TMEM54: variants seen among roughly 807,000 people sequenced by gnomAD.
TMEM54 encodes transmembrane protein 54, also known as beta-casein-like protein.
A neutral mutation model predicts 21.3 loss-of-function variants in TMEM54; 21 were observed. That is an observed-to-expected ratio of 0.99 (90% CI 0.70 to 1.42). The LOEUF (loss-of-function observed/expected upper bound fraction) is 1.42, where lower values mean the gene tolerates loss of function less well. Among genes scored for constraint, TMEM54 ranks in the 40% most tolerant of loss-of-function variants. TMEM54 has a pLI of 0.00. For missense variants in TMEM54, 246 were observed against 294.0 expected, an observed-to-expected ratio of 0.84 and a Z score of 1.19; for synonymous variants, 109 against 125.0, an observed-to-expected ratio of 0.87 and a Z score of 0.86.
chr1:32,899,831 C>T (rs377680155), intron 1 of TMEM54, among the ~76,000 whole-genome samples: 1 of 152,212 alleles, frequency 6.6e-6, no homozygotes, highest in East Asian at 1.9e-4. Context: ...TGTGACCATG[C>T]ACCAGCCCCT....
intron 1 of TMEM54, among the ~76,000 whole-genome samples, chr1:32,899,563 C>T (rs1641679648): frequency 6.6e-6 from 1 of 152,140 alleles, no homozygotes; most frequent in South Asian, 2.1e-4. Context: ...AAAAATTAGG[C>T]AGGCATGGTG....
chr1:32,898,300 G>T lies in TMEM54; in HGVS notation c.36C>A (p.Asp12Glu). 6.2e-7 allele frequency: 1 copy of T among 1,604,776 alleles called. No homozygotes were observed. Among genetic ancestry groups the T allele is most frequent in the Non-Finnish European group, 8.5e-7 (1 of 1,172,280 alleles). The change falls in exon 2 of 6, where the codon GAC (aspartate) becomes GAA (glutamate). Residue 12 changes from aspartate (D) to glutamate (E), a missense_variant. Physicochemically the swap from Asp to Glu is conservative, Grantham distance 45 (BLOSUM62 2). Coordinates refer to ENST00000373463, the MANE Select transcript of TMEM54 (RefSeq NM_033504.4). ...CLRLGGLSVG[D>E]FRKVLMKTGL... The stretch of plus-strand genomic sequence containing the variant: ...CTGTCTTCATCAGCACCTTCCGGAA[G>T]TCGCCCACACTCAGGCCTCCTGTGG...
At position 32,898,042 on chromosome 1, in the gene TMEM54, C is replaced by T; in HGVS notation, c.210+84G>A. On this transcript the variant is annotated intron_variant, in intron 2 of 5. Coordinates refer to ENST00000373463, the MANE Select transcript of TMEM54 (RefSeq NM_033504.4). ...CCTTGAGGCTGTCTGCTTACCACCACAGGCTCTGGGTGGGGACCTGTTGAA... is the reference window on the plus strand; with the variant it reads ...CCTTGAGGCTGTCTGCTTACCACCATAGGCTCTGGGTGGGGACCTGTTGAA... 3.0e-6 allele frequency: 4 copies of T among 1,349,648 alleles called. No homozygotes were observed. The Admixed American group carries it at 5.8e-5, about 19-fold the overall frequency. 83.6% of individuals were successfully genotyped at this position (1,349,648 alleles called of 1,614,324 possible). A position where few individuals can be genotyped will look rare whatever the true frequency, so the allele number is the denominator to read the frequency against.
At position 32,896,203 on chromosome 1, in the gene TMEM54, C is replaced by T; in HGVS notation, c.211-234G>A. 2.1e-6 allele frequency: 1 copy of T among 483,164 alleles called. No individual in the cohort carries two copies. The highest frequency in any genetic ancestry group is 3.5e-5 in the East Asian group (1 of 28,570). The allele number at this position is 483,164 out of a possible 1,614,324, so 29.9% of individuals were successfully genotyped here. A position where few individuals can be genotyped will look rare whatever the true frequency, so the allele number is the denominator to read the frequency against. On this transcript the variant is annotated intron_variant, in intron 2 of 5. Transcript: ENST00000373463. The surrounding 1 kb of genome is among the most constrained non-coding windows in gnomAD (Gnocchi z 4.1). Reference sequence around the variant, plus strand: ...CCTCTCTACAACCTTCCATGAGTCCCCACTCCTAAGCCTGTGTCTCAAGCA... The same window carrying T: ...CCTCTCTACAACCTTCCATGAGTCCTCACTCCTAAGCCTGTGTCTCAAGCA...
At position 32,901,152 on chromosome 1, in the gene TMEM54, G is replaced by A; in HGVS notation, c.16+71C>T. Reference sequence around the variant, plus strand: ...CTGGCCCCCTGGGGGCTCGGGTTCCGGGCTCAGTGCTCCGCTCCTGTGGGA... The same window carrying A: ...CTGGCCCCCTGGGGGCTCGGGTTCCAGGCTCAGTGCTCCGCTCCTGTGGGA... On this transcript the variant is annotated intron_variant, in intron 1 of 5. Transcript: ENST00000373463. The surrounding 1 kb of genome is among the most constrained non-coding windows in gnomAD (Gnocchi z 4.2). 1 of 1,367,286 alleles carries A rather than the reference G, an allele frequency of 7.3e-7. No homozygotes were observed. 84.7% of individuals were successfully genotyped at this position (1,367,286 alleles called of 1,614,324 possible).
chr1:32,901,298 C>CG lies in TMEM54; in HGVS notation c.-61dup. 7.8e-7 allele frequency: 1 copy of CG among 1,288,672 alleles called. No individual in the cohort carries two copies. The highest frequency in any genetic ancestry group is 9.9e-7 in the Non-Finnish European group (1 of 1,012,572). The allele number at this position is 1,288,672 out of a possible 1,614,324, so 79.8% of individuals were successfully genotyped here. ...CGCGGCTCCCGAGGCTGCGGGCCGC[C>CG]GGGGGACCCTGCTCCCATCCCGCTG... On this transcript the variant is annotated 5_prime_UTR_variant, in exon 1 of 6. It removes the in-frame stop codon of an upstream open reading frame in the 5' UTR. Coordinates refer to ENST00000373463, the MANE Select transcript of TMEM54 (RefSeq NM_033504.4). This position sits in a 1 kb window ranked among gnomAD's most constrained non-coding sequence, Gnocchi z 4.2.
rs778113030 is a variant in TMEM54 at position 32,895,454 on chromosome 1, G to A, written c.460-15C>T. ...AGGCTGGAGCTCTGCGGGGCATGGG[G>A]CAGAGATGGCTGGCTGGAGTTGGGG... On this transcript the variant is annotated splice_polypyrimidine_tract_variant and intron_variant, in intron 4 of 5. Transcript: ENST00000373463. The surrounding 1 kb of genome is among the most constrained non-coding windows in gnomAD (Gnocchi z 5.8). The A allele has an allele frequency of 6.2e-7, 1 of 1,606,254 alleles. No individual in the cohort carries two copies.
In TMEM54 at chr1:32,898,464, G is replaced by A. The variant is rs1351796470; in HGVS notation, c.17-145C>T. 5 of 749,306 alleles carry A rather than the reference G, an allele frequency of 6.7e-6. No individual in the cohort carries two copies. The Admixed American group carries it at 1.2e-4, about 18-fold the overall frequency. 46.4% of individuals were successfully genotyped at this position (749,306 alleles called of 1,614,324 possible). A position where few individuals can be genotyped will look rare whatever the true frequency, so the allele number is the denominator to read the frequency against. Reference sequence around the variant, plus strand: ...GGAGCCAGTAACTTGTCTTCTTTGAGCCTTGGTCTCCTCATCCATAAAAGG... The same window carrying A: ...GGAGCCAGTAACTTGTCTTCTTTGAACCTTGGTCTCCTCATCCATAAAAGG... On this transcript the variant is annotated intron_variant, in intron 1 of 5. Transcript: ENST00000373463.
Position 32,901,242 on chromosome 1 carries a change from G to T in TMEM54, c.-4C>A, listed in dbSNP as rs1641721115. 4.1e-6 allele frequency: 6 copies of T among 1,460,574 alleles called. No individual in the cohort carries two copies. Among genetic ancestry groups the T allele is most frequent in the Non-Finnish European group, 5.5e-6 (6 of 1,093,096 alleles). The allele number at this position is 1,460,574 out of a possible 1,614,324, so 90.5% of individuals were successfully genotyped here. A position where few individuals can be genotyped will look rare whatever the true frequency, so the allele number is the denominator to read the frequency against. On this transcript the variant is annotated 5_prime_UTR_variant, in exon 1 of 6. Coordinates refer to ENST00000373463, the MANE Select transcript of TMEM54 (RefSeq NM_033504.4). The surrounding 1 kb of genome is among the most constrained non-coding windows in gnomAD (Gnocchi z 4.2). ...GCTCACCGAGGCGCAGACACATGTCGGCTCCGCGCTGGTCCCGCCCCCGGC... is the reference window on the plus strand; with the variant it reads ...GCTCACCGAGGCGCAGACACATGTCTGCTCCGCGCTGGTCCCGCCCCCGGC...
intron 1 of TMEM54, among the ~76,000 whole-genome samples, chr1:32,900,803 C>T (rs540159603): frequency 6.6e-6 from 1 of 152,340 alleles, no homozygotes; most frequent in East Asian, 1.9e-4. Flanking sequence ...GGCTTTCCTT[C>T]CTGGCCTCGG....
rs201782944 is a variant in TMEM54 at position 32,895,376 on chromosome 1, C to T, written c.523G>A (p.Val175Ile). ...TGGTGGGTGAGCTGAGCACAGCGTA[C>T]AGCAAACACGTTCTCCGCCACGCAG... Reference protein sequence around the residue: ...VLCVAENVFAVRCAQLTHQLL... With the variant: ...VLCVAENVFAIRCAQLTHQLL... The change falls in exon 5 of 6, where the codon GTA becomes ATA. Residue 175 changes from valine to isoleucine, a missense_variant. Val to Ile is a conservative substitution (Grantham distance 29). Transcript: ENST00000373463. This position sits in a 1 kb window ranked among gnomAD's most constrained non-coding sequence, Gnocchi z 5.8. 603 of 1,614,078 alleles carry T rather than the reference C, an allele frequency of 3.7e-4. 6 individuals are homozygous for T. The South Asian group carries it at 5.7e-3, about 15-fold the overall frequency.
In TMEM54 at chr1:32,897,740, A is replaced by C. The variant is rs2124048487; in HGVS notation, c.210+386T>G. On this transcript the variant is annotated intron_variant, in intron 2 of 5. Transcript: ENST00000373463. This position sits in a 1 kb window ranked among gnomAD's most constrained non-coding sequence, Gnocchi z 4.9. ...ATCAATACCCAGGTCAGAGGCCTGC[A>C]CTCTGTGAAACCCTCCGGCACCCTC... The C allele has an allele frequency of 5.9e-6, 1 of 169,688 alleles. No homozygotes were observed. Among genetic ancestry groups the C allele is most frequent in the South Asian group, 1.8e-4 (1 of 5,522 alleles). 10.5% of individuals were successfully genotyped at this position (169,688 alleles called of 1,614,324 possible).
At chr1:32,898,586 G>A (rs1158906472) in intron 1 of TMEM54, 1 of 431,310 alleles carries the variant, frequency 2.3e-6, no homozygotes, top group African/African-American at 1.9e-5. Context: ...TCAAGGTCAT[G>A]AGTGGGGGGC....
At position 32,895,053 on chromosome 1, in the gene TMEM54, G is replaced by A. The variant is rs1045058277; in HGVS notation, c.595-174C>T. ...CTGACCTTTGCAATGCCCTCAGTGCGAGCCCAGACACCCCTGCCCCTCCCT... is the reference window on the plus strand; with the variant it reads ...CTGACCTTTGCAATGCCCTCAGTGCAAGCCCAGACACCCCTGCCCCTCCCT... On this transcript the variant is annotated intron_variant, in intron 5 of 5. Coordinates refer to ENST00000373463, the MANE Select transcript of TMEM54 (RefSeq NM_033504.4). The surrounding 1 kb of genome is among the most constrained non-coding windows in gnomAD (Gnocchi z 5.8). 2.2e-6 allele frequency: 2 copies of A among 903,008 alleles called. No individual in the cohort carries two copies. Among genetic ancestry groups the A allele is most frequent in the Non-Finnish European group, 2.6e-6 (2 of 754,798 alleles). The allele number at this position is 903,008 out of a possible 1,614,324, so 55.9% of individuals were successfully genotyped here.
chr1:32,898,024 G>T, intron 2 of TMEM54, 102 bp downstream of exon 2: 2 of 1,130,912 alleles, frequency 1.8e-6, no homozygotes, highest in Non-Finnish European at 2.6e-6. Flanking sequence ...AGTCCTTGAG[G>T]CTGTCTGCTT....
intron 1 of TMEM54, chr1:32,898,529 G>A (rs1231308169): frequency 1.2e-5 from 6 of 504,052 alleles, no homozygotes; most frequent in African/African-American, 5.7e-5. Context: ...GGACTCTAAG[G>A]CTGGACAAGC....
rs1641539563 is a variant in TMEM54 at position 32,894,671 on chromosome 1, G to A, written c.*134C>T. 8.1e-7 allele frequency: 1 copy of A among 1,227,390 alleles called. No individual in the cohort carries two copies. Among genetic ancestry groups the A allele is most frequent in the African/African-American group, 1.5e-5 (1 of 66,584 alleles). The allele number at this position is 1,227,390 out of a possible 1,614,324, so 76.0% of individuals were successfully genotyped here. On this transcript the variant is annotated 3_prime_UTR_variant, in exon 6 of 6. Transcript: ENST00000373463. ...AGTGGGCTGGGTGGTGGGGGAGAGG[G>A]TTGAAAGCCCCACTTGGGTCCCCGA...
chr1:32,896,033 G>GGC lies in TMEM54; in HGVS notation c.211-66_211-65dup. ...GGAGGAACAGGGGCAGGGGGATCAG[G>GGC]GCCACTCTGGGATAATGATCTCACC... On this transcript the variant is annotated intron_variant, in intron 2 of 5. Transcript: ENST00000373463. This position sits in a 1 kb window ranked among gnomAD's most constrained non-coding sequence, Gnocchi z 4.1. The GGC allele has an allele frequency of 6.4e-7, 1 of 1,550,580 alleles. No individual in the cohort carries two copies. Among genetic ancestry groups the GGC allele is most frequent in the Admixed American group, 1.8e-5 (1 of 55,210 alleles).
At chr1:32,898,777 T>C (rs187557743) in intron 1 of TMEM54, among the ~76,000 whole-genome samples, 379 of 152,260 alleles carry the variant, frequency 2.5e-3, no homozygotes, top group Non-Finnish European at 4.0e-3. Context: ...TGGGCAGGAA[T>C]TGGGCCCTGC....
Sources: gnomAD v4.1 joint callset for allele counts (sites outside exome capture counted in the v4.1 genomes callset) on GRCh38, gnomAD v4.1.1 for gene constraint, Gnocchi (gnomAD v3.1) non-coding constraint, MANE v1.5 for transcripts, NCBI Gene and HGNC (gene_info 2026-07-23, HGNC 2026-07-21) for gene names.